CDR2: variants seen among roughly 807,000 people sequenced by gnomAD.
The protein encoded by CDR2 is cerebellar degeneration-related protein 2.
In CDR2, 34 loss-of-function variants were observed where a neutral mutation model predicts 48.4. The observed-to-expected ratio is 0.70, with a 90% confidence interval of 0.53 to 0.94. The LOEUF is 0.94. CDR2 is among the 40% of genes least tolerant of loss of function. The probability of loss-of-function intolerance (pLI) is 0.00; values close to 1 mark genes in which losing one functional copy is unlikely to be tolerated. For missense variants in CDR2, 498 were observed against 549.5 expected, an observed-to-expected ratio of 0.91 and a Z score of 0.94; for synonymous variants, 240 against 219.7, an observed-to-expected ratio of 1.09 and a Z score of -0.82.
intron 2 of CDR2, among the ~76,000 whole-genome samples, chr16:22,357,073 TGAGATG>T (rs1220558257): frequency 6.6e-6 from 1 of 152,166 alleles, no homozygotes; most frequent in Non-Finnish European, 1.5e-5. Flanking sequence ...TTGTTGTTGT[TGAGATG>T]GAGTCTCACT....
intron 2 of CDR2, among the ~76,000 whole-genome samples, chr16:22,356,308 C>T (rs1441822003): frequency 6.6e-6 from 1 of 152,094 alleles, no homozygotes; most frequent in Non-Finnish European, 1.5e-5. Flanking sequence ...CAAACATAAC[C>T]TCTTCAGAAG....
chr16:22,374,144 G>T (rs2049100298), intron 1 of CDR2, 87 bp downstream of exon 1: 3 of 861,600 alleles, frequency 3.5e-6, no homozygotes, highest in Non-Finnish European at 5.4e-6. Flanking sequence ...ATCCTCCGCC[G>T]CCACAAAAAG....
intron 1 of CDR2, among the ~76,000 whole-genome samples, chr16:22,369,737 C>T (rs1159409047): frequency 6.6e-6 from 1 of 151,112 alleles, no homozygotes; most frequent in Non-Finnish European, 1.5e-5. Context: ...CAGCTGGCTT[C>T]CATAACCAAA....
Position 22,349,312 on chromosome 16 carries a change from A to C in CDR2, c.473T>G (p.Phe158Cys). ...GTCATACAGCTCCTTCAGACATGCAAAGCTGGGTGCCGGTTTCTCCTGGTC... is the reference window on the plus strand; with the variant it reads ...GTCATACAGCTCCTTCAGACATGCACAGCTGGGTGCCGGTTTCTCCTGGTC... Reference protein sequence around the residue: ...KCDQEKPAPSFACLKELYDLR... With the variant: ...KCDQEKPAPSCACLKELYDLR... The change falls in exon 4 of 5, where the codon TTT becomes TGT. Residue 158 changes from phenylalanine (F) to cysteine (C), a missense_variant. Coordinates refer to ENST00000268383, the MANE Select transcript of CDR2 (RefSeq NM_001802.2). 6.2e-7 allele frequency: 1 copy of C among 1,614,172 alleles called. No homozygotes were observed. The highest frequency in any genetic ancestry group is 1.3e-5 in the African/African-American group (1 of 75,042).
At position 22,349,352 on chromosome 16, in the gene CDR2, T is replaced by C. The variant is rs1028744661; in HGVS notation, c.433A>G (p.Ser145Gly). ...ELKSSGQGRR[S>G]PGKCDQEKPA... ...TTCTCCTGGTCACACTTTCCCGGGC[T>C]CCTTCTCCCTTGGCCAGATGACTTC... Residue 145 changes from serine to glycine, a missense_variant, in exon 4 of 5, where the codon AGC (serine) becomes GGC (glycine). Transcript: ENST00000268383. 4 of 1,614,186 alleles carry C rather than the reference T, an allele frequency of 2.5e-6. No homozygotes were observed. Among genetic ancestry groups the C allele is most frequent in the Non-Finnish European group, 3.4e-6 (4 of 1,180,034 alleles).
chr16:22,371,505 C>G (rs2049075855), intron 1 of CDR2, among the ~76,000 whole-genome samples: 1 of 152,174 alleles, frequency 6.6e-6, no homozygotes, highest in Non-Finnish European at 1.5e-5. Context: ...TCCTACCTAT[C>G]CACTCATGTG....
chr16:22,348,037 A>C (rs2141842024), intron 4 of CDR2, among the ~76,000 whole-genome samples: 1 of 152,194 alleles, frequency 6.6e-6, no homozygotes, highest in African/African-American at 2.4e-5. Flanking sequence ...TCCCAGGTTC[A>C]AGCGATTCTC....
At chr16:22,356,223 T>C (rs1448796377) in intron 2 of CDR2, among the ~76,000 whole-genome samples, 2 of 152,230 alleles carry the variant, frequency 1.3e-5, no homozygotes, top group Admixed American at 6.5e-5. Context: ...TTATCCTAGA[T>C]CTCATTAGAT....
At position 22,347,839 on chromosome 16, in the gene CDR2, T is replaced by C. The variant is rs1341063128; in HGVS notation, c.507-16A>G. 6.3e-6 allele frequency: 10 copies of C among 1,593,726 alleles called. No individual in the cohort carries two copies. Among genetic ancestry groups the C allele is most frequent in the African/African-American group, 5.4e-5 (4 of 74,394 alleles). On this transcript the variant is annotated splice_polypyrimidine_tract_variant and intron_variant, in intron 4 of 4. Coordinates refer to ENST00000268383, the MANE Select transcript of CDR2 (RefSeq NM_001802.2). Reference sequence around the variant, plus strand: ...CACGAAGTGTCTAGGGAAAAAAATATTGAAAGAATATATTACACAGGTCCA... The same window carrying C: ...CACGAAGTGTCTAGGGAAAAAAATACTGAAAGAATATATTACACAGGTCCA...
At chr16:22,360,034 G>A (rs1358103119) in intron 2 of CDR2, among the ~76,000 whole-genome samples, 1 of 152,238 alleles carries the variant, frequency 6.6e-6, no homozygotes, top group Non-Finnish European at 1.5e-5. Context: ...ACTCTTGAAA[G>A]AAGGGATGCC....
intron 4 of CDR2, among the ~76,000 whole-genome samples, chr16:22,348,263 T>C (rs1429435819): frequency 6.6e-6 from 1 of 152,142 alleles, no homozygotes; most frequent in Non-Finnish European, 1.5e-5. Flanking sequence ...TAGCCACACT[T>C]GGAGCAGTGG....
intron 2 of CDR2, among the ~76,000 whole-genome samples, chr16:22,361,352 G>A (rs1412762962): frequency 6.6e-6 from 1 of 152,238 alleles, no homozygotes; most frequent in East Asian, 1.9e-4. Context: ...TCAAATTAAG[G>A]AGAGGGCCCT....
At chr16:22,371,165 C>T (rs1048681764) in intron 1 of CDR2, among the ~76,000 whole-genome samples, 1 of 151,356 alleles carries the variant, frequency 6.6e-6, no homozygotes, top group Non-Finnish European at 1.5e-5. Context: ...GAGCCAAGAG[C>T]GTGCCACTGC....
chr16:22,359,700 G>A (rs921018235), intron 2 of CDR2, among the ~76,000 whole-genome samples: 1 of 152,148 alleles, frequency 6.6e-6, no homozygotes, highest in Non-Finnish European at 1.5e-5. Context: ...AAAATTGAGG[G>A]TTTAAACCTG....
chr16:22,346,129 G>A lies in CDR2; in HGVS notation c.*836C>T, dbSNP rs766869988. 1 of 152,462 alleles carries A rather than the reference G, an allele frequency of 6.6e-6. No individual in the cohort carries two copies. The highest frequency in any genetic ancestry group is 1.5e-5 in the Non-Finnish European group (1 of 68,042). 9.4% of individuals were successfully genotyped at this position (152,462 alleles called of 1,614,324 possible). On this transcript the variant is annotated 3_prime_UTR_variant, in exon 5 of 5. Transcript: ENST00000268383. ...CATTTACAGGAATGGTAAGAACTCT[G>A]CAAGAGCAGCTTGTGGCTGGCAAGT...
chr16:22,356,114 A>T (rs1438838813), intron 2 of CDR2, among the ~76,000 whole-genome samples: 1 of 152,180 alleles, frequency 6.6e-6, no homozygotes, highest in Non-Finnish European at 1.5e-5. Flanking sequence ...AAATATGTTA[A>T]TACGTATCTA....
At chr16:22,363,821 A>G (rs2049027084) in intron 2 of CDR2, among the ~76,000 whole-genome samples, 1 of 152,232 alleles carries the variant, frequency 6.6e-6, no homozygotes, top group Non-Finnish European at 1.5e-5. Flanking sequence ...TGGCCTACAC[A>G]TAACTGAACT....
chr16:22,370,568 A>G (rs1567350893), intron 1 of CDR2, among the ~76,000 whole-genome samples: 1 of 152,170 alleles, frequency 6.6e-6, no homozygotes, highest in Non-Finnish European at 1.5e-5. Flanking sequence ...CACCATCATT[A>G]CCTGCACTGA....
Position 22,349,333 on chromosome 16 carries a change from T to C in CDR2, c.452A>G (p.Gln151Arg). The C allele has an allele frequency of 6.2e-7, 1 of 1,614,220 alleles. No individual in the cohort carries two copies. The highest frequency in any genetic ancestry group is 8.5e-7 in the Non-Finnish European group (1 of 1,180,042). Residue 151 changes from glutamine (Q) to arginine (R), a missense_variant, in exon 4 of 5, where the codon CAG becomes CGG. Gln to Arg is a conservative substitution (Grantham distance 43). Transcript: ENST00000268383. ...TGCAAAGCTGGGTGCCGGTTTCTCCTGGTCACACTTTCCCGGGCTCCTTCT... is the reference window on the plus strand; with the variant it reads ...TGCAAAGCTGGGTGCCGGTTTCTCCCGGTCACACTTTCCCGGGCTCCTTCT... ...QGRRSPGKCD[Q>R]EKPAPSFACL...
Sources: allele counts gnomAD v4.1 joint callset (sites outside exome capture counted in the v4.1 genomes callset), GRCh38; gene constraint gnomAD v4.1.1; transcripts MANE v1.5; gene names NCBI Gene and HGNC (gene_info 2026-07-23, HGNC 2026-07-21).